GRIA4: variants seen among roughly 807,000 people sequenced by gnomAD.
GRIA4 encodes glutamate ionotropic receptor AMPA type subunit 4, also known as glutamate receptor 4.
GRIA4 carries 34 observed loss-of-function variants against 104.0 expected under a neutral mutation model. The observed-to-expected ratio is 0.33, with a 90% CI of 0.25 to 0.44. The LOEUF (loss-of-function observed/expected upper bound fraction) is 0.44. GRIA4 is among the 20% of genes least tolerant of loss of function. The probability of loss-of-function intolerance (pLI) is 1.00; values close to 1 mark genes in which losing one functional copy is unlikely to be tolerated. For missense variants in GRIA4, 750 were observed against 1,096.5 expected (o/e 0.68, Z 4.46); for synonymous variants, 386 against 381.9 (o/e 1.01, Z -0.13).
intron 14 of GRIA4, among the ~76,000 whole-genome samples, chr11:105,938,793 A>T (rs1948115244): frequency 6.6e-6 from 1 of 152,140 alleles, no homozygotes; most frequent in Non-Finnish European, 1.5e-5. Context: ...GTGTGTACCA[A>T]GTATTTTGCA....
intron 4 of GRIA4, among the ~76,000 whole-genome samples, chr11:105,825,807 G>A (rs141119704): frequency 0.023 from 3,490 of 152,006 alleles, 57 homozygotes; most frequent in Middle Eastern, 0.068. Context: ...TTTTGAATTG[G>A]GAGATCCCTT....
At chr11:105,722,789 C>T (rs558523038) in intron 3 of GRIA4, among the ~76,000 whole-genome samples, 4 of 152,054 alleles carry the variant, frequency 2.6e-5, no homozygotes, top group African/African-American at 9.6e-5. Flanking sequence ...CATTGTATTA[C>T]ATACATAAAA....
chr11:105,672,875 A>C (rs145013182), intron 3 of GRIA4, among the ~76,000 whole-genome samples: 17 of 152,130 alleles, frequency 1.1e-4, no homozygotes, highest in Non-Finnish European at 2.2e-4. Context: ...ATATTATTTC[A>C]GTTATATTAT....
chr11:105,634,468 GGAA>G (rs1951135145), intron 3 of GRIA4, among the ~76,000 whole-genome samples: 28 of 94,348 alleles, frequency 3.0e-4, no homozygotes, highest in African/African-American at 1.1e-3. Context: ...AGAAAGAAAG[GGAA>G]AGAAAGAAAG....
At chr11:105,759,762 C>T (rs1253818385) in intron 4 of GRIA4, among the ~76,000 whole-genome samples, 2 of 152,150 alleles carry the variant, frequency 1.3e-5, no homozygotes, top group Non-Finnish European at 2.9e-5. Flanking sequence ...GCATAACTTC[C>T]TCTGGAAGTC....
At chr11:105,858,349 A>T (rs1317570916) in intron 4 of GRIA4, among the ~76,000 whole-genome samples, 1 of 152,114 alleles carries the variant, frequency 6.6e-6, no homozygotes, top group Non-Finnish European at 1.5e-5. Context: ...TGTATTTCAC[A>T]TTACCTATCT....
intron 3 of GRIA4, among the ~76,000 whole-genome samples, chr11:105,664,998 A>G (rs947489040): frequency 6.6e-6 from 1 of 152,028 alleles, no homozygotes; most frequent in Non-Finnish European, 1.5e-5. Context: ...TTGTGAGAAA[A>G]TTTGGCAATA....
chr11:105,699,925 T>A (rs1436708123), intron 3 of GRIA4, among the ~76,000 whole-genome samples: 2 of 152,166 alleles, frequency 1.3e-5, no homozygotes, highest in African/African-American at 2.4e-5. Context: ...CTTCAACTAC[T>A]AAAAGCCCCA....
chr11:105,864,726 C>T (rs1171077436), intron 5 of GRIA4, among the ~76,000 whole-genome samples: 3 of 151,988 alleles, frequency 2.0e-5, no homozygotes. Context: ...AAAAATTAGC[C>T]GGGTGTGGTG....
intron 4 of GRIA4, among the ~76,000 whole-genome samples, chr11:105,811,311 T>A (rs780646077): frequency 1.3e-5 from 2 of 152,204 alleles, no homozygotes; most frequent in Non-Finnish European, 2.9e-5. Context: ...TGAAAACTCT[T>A]ACTGCAACTT....
chr11:105,904,362 T>G (rs1229459375), intron 8 of GRIA4, among the ~76,000 whole-genome samples: 1 of 152,186 alleles, frequency 6.6e-6, no homozygotes, highest in Non-Finnish European at 1.5e-5. Flanking sequence ...GGGAAATGGA[T>G]AGTTGGGGGC....
At chr11:105,887,752 T>C (rs1313546224) in intron 6 of GRIA4, among the ~76,000 whole-genome samples, 180 bp downstream of exon 6, 9 of 152,164 alleles carry the variant, frequency 5.9e-5, no homozygotes, top group Admixed American at 5.9e-4. Flanking sequence ...TATATTTTTA[T>C]GCAGATTAGC....
At chr11:105,964,744 G>A (rs1368075468) in intron 14 of GRIA4, among the ~76,000 whole-genome samples, 1 of 150,904 alleles carries the variant, frequency 6.6e-6, no homozygotes, top group African/African-American at 2.4e-5. Context: ...TTGAAAGCAG[G>A]AAAGAAACCA....
At chr11:105,616,022 G>A (rs1487911404) in intron 3 of GRIA4, among the ~76,000 whole-genome samples, 1 of 151,672 alleles carries the variant, frequency 6.6e-6, no homozygotes, top group African/African-American at 2.4e-5. Context: ...TTCAGATTCT[G>A]AAATGAGTCA....
At chr11:105,977,471 A>T (rs905115291) in intron 16 of GRIA4, among the ~76,000 whole-genome samples, 1 of 151,984 alleles carries the variant, frequency 6.6e-6, no homozygotes, top group Non-Finnish European at 1.5e-5. Context: ...ATATGACTTT[A>T]TCTAACTAAT....
chr11:105,845,654 C>T (rs189344591), intron 4 of GRIA4, among the ~76,000 whole-genome samples: 59 of 152,226 alleles, frequency 3.9e-4, no homozygotes, highest in African/African-American at 1.2e-3. Flanking sequence ...GAGACCGAGG[C>T]GGGTAGATCG....
intron 4 of GRIA4, among the ~76,000 whole-genome samples, chr11:105,857,836 A>G (rs1945066389): frequency 6.6e-6 from 1 of 152,180 alleles, no homozygotes. Context: ...GCACAAATGT[A>G]TTCTGCTTCT....
intron 14 of GRIA4, among the ~76,000 whole-genome samples, chr11:105,955,250 G>A (rs940420035): frequency 1.3e-5 from 2 of 151,536 alleles, no homozygotes; most frequent in Non-Finnish European, 2.9e-5. Context: ...CTATTGACCC[G>A]CCCTCTAAGT....
intron 14 of GRIA4, among the ~76,000 whole-genome samples, chr11:105,940,497 G>A (rs1040206524): frequency 2.0e-5 from 3 of 152,018 alleles, no homozygotes; most frequent in African/African-American, 7.2e-5. Context: ...AGCTTTGGAG[G>A]GAGTTATGGT....
Sources: allele counts gnomAD v4.1 joint callset (sites outside exome capture counted in the v4.1 genomes callset), GRCh38; gene constraint gnomAD v4.1.1; transcripts MANE v1.5; gene names NCBI Gene and HGNC (gene_info 2026-07-23, HGNC 2026-07-21).